LRBA: variants seen among roughly 807,000 people sequenced by gnomAD.
The protein encoded by LRBA is LPS responsive beige-like anchor protein.
Under a neutral mutation model 330.0 loss-of-function variants are expected in LRBA, and 176 were observed. That is an observed-to-expected ratio of 0.53 (90% CI 0.47 to 0.60). The LOEUF (loss-of-function observed/expected upper bound fraction) is 0.60, where lower values mean the gene tolerates loss of function less well. Ranked by LOEUF, LRBA falls within the 20% of genes least tolerant of loss-of-function variation. The pLI is 0.00. For missense variants in LRBA, 3,259 were observed against 3,444.8 expected (o/e 0.95, Z 1.35); for synonymous variants, 1,230 against 1,193.0 (o/e 1.03, Z -0.64).
At chr4:150,815,319 C>T (rs1352471253) in intron 31 of LRBA, among the ~76,000 whole-genome samples, 1 of 148,650 alleles carries the variant, frequency 6.7e-6, no homozygotes, top group African/African-American at 2.5e-5. Flanking sequence ...ATACCCAGCT[C>T]CAAATGAATT....
At chr4:150,996,693 A>G (rs1384419854) in intron 2 of LRBA, among the ~76,000 whole-genome samples, 1 of 152,214 alleles carries the variant, frequency 6.6e-6, no homozygotes, top group Non-Finnish European at 1.5e-5. Context: ...ATAACCTAAT[A>G]CAATTCCTGA....
At chr4:150,952,657 G>C (rs1220561642) in intron 2 of LRBA, among the ~76,000 whole-genome samples, 1 of 151,996 alleles carries the variant, frequency 6.6e-6, no homozygotes, top group Non-Finnish European at 1.5e-5. Flanking sequence ...CTGTGCGTGG[G>C]GTGGGCGGGG....
At chr4:150,685,420 A>T (rs28697211) in intron 36 of LRBA, among the ~76,000 whole-genome samples, 204 of 17,432 alleles carry the variant, frequency 0.012, 9 homozygotes, top group South Asian at 0.025. Flanking sequence ...ATATATATAT[A>T]TTTTTTTTTT....
At chr4:150,311,123 G>A (rs200280375) in intron 51 of LRBA, 1 of 152,138 alleles carries the variant, frequency 6.6e-6, no homozygotes, top group Admixed American at 6.6e-5. Flanking sequence ...GAGCAACACC[G>A]AGCACATGGG....
At chr4:150,730,849 C>G (rs1290723714) in intron 36 of LRBA, among the ~76,000 whole-genome samples, 1 of 151,412 alleles carries the variant, frequency 6.6e-6, no homozygotes, top group Non-Finnish European at 1.5e-5. Flanking sequence ...GAAACCCCAT[C>G]TCTACTACAA....
chr4:150,471,731 GA>G lies in LRBA; in HGVS notation c.6559del (p.Ser2187HisfsTer2). The G allele has an allele frequency of 6.7e-7, 1 of 1,491,252 alleles. No individual in the cohort carries two copies. Among genetic ancestry groups the G allele is most frequent in the Non-Finnish European group, 9.3e-7 (1 of 1,076,426 alleles). 92.4% of individuals were successfully genotyped at this position (1,491,252 alleles called of 1,614,324 possible). On this transcript the variant is annotated frameshift_variant, in exon 43 of 57. Coordinates refer to ENST00000651943, the MANE Select transcript of LRBA (RefSeq NM_001364905.1). LOFTEE classifies it high-confidence loss of function. ...AAAAAGCTGACGTGGACTAGCTAAT[GA>G]AATACGTCTGCAAGAAAAAGAATTC... ...SFGLPQTRRI[S>X]LASPRQLFKA...
intron 2 of LRBA, among the ~76,000 whole-genome samples, chr4:150,943,368 G>A (rs1161071747): frequency 1.3e-5 from 2 of 152,282 alleles, no homozygotes; most frequent in East Asian, 3.9e-4. Context: ...CAATCCTCCT[G>A]CCTCAGCCTC....
chr4:150,767,794 T>C (rs890418174), intron 34 of LRBA, among the ~76,000 whole-genome samples: 7 of 136,414 alleles, frequency 5.1e-5, no homozygotes, highest in Admixed American at 2.3e-4. Flanking sequence ...CCAGGCGCGG[T>C]GGCTCACACG....
chr4:150,333,577 A>G (rs1734260484), intron 48 of LRBA, among the ~76,000 whole-genome samples: 1 of 152,160 alleles, frequency 6.6e-6, no homozygotes, highest in Non-Finnish European at 1.5e-5. Context: ...AGTCACACTA[A>G]GACCATCCAG....
At chr4:150,883,297 T>C (rs749979639) in intron 17 of LRBA, among the ~76,000 whole-genome samples, 3 of 151,930 alleles carry the variant, frequency 2.0e-5, no homozygotes, top group Non-Finnish European at 4.4e-5. Context: ...GTGTCTCTAC[T>C]AAAAATACAA....
In LRBA at chr4:150,560,824, T is replaced by C. The variant is rs143317237; in HGVS notation, c.6330+27224A>G. ...CAACATGGAGAAACCCCGTCTCTAC[T>C]AAAAATACAAAATTAGTCGGGCATG... On this transcript the variant is annotated intron_variant, in intron 40 of 56. Coordinates refer to ENST00000651943, the MANE Select transcript of LRBA (RefSeq NM_001364905.1). Among the ~76,000 whole-genome samples the C allele has an allele frequency of 2.6e-5, 4 of 152,100 alleles. No homozygotes were observed. The East Asian group carries it at 7.7e-4, about 29-fold the overall frequency.
At chr4:150,769,024 G>A (rs918248366) in intron 34 of LRBA, among the ~76,000 whole-genome samples, 4 of 132,154 alleles carry the variant, frequency 3.0e-5, no homozygotes, top group African/African-American at 5.7e-5. Flanking sequence ...TGCAACCTCC[G>A]CCTCTGGGTT....
intron 36 of LRBA, among the ~76,000 whole-genome samples, chr4:150,722,354 G>C (rs538979222): frequency 6.6e-6 from 1 of 152,224 alleles, no homozygotes; most frequent in Admixed American, 6.5e-5. Context: ...TAAGAACTGA[G>C]TCAAAAGAAA....
intron 48 of LRBA, among the ~76,000 whole-genome samples, chr4:150,328,723 A>C (rs548400034): frequency 6.6e-6 from 1 of 152,250 alleles, no homozygotes; most frequent in African/African-American, 2.4e-5. Context: ...AGTAATGAAG[A>C]AGACAGAGAG....
chr4:150,867,600 T>A (rs1227597798), intron 22 of LRBA, 71 bp downstream of exon 22: 1 of 1,287,896 alleles, frequency 7.8e-7, no homozygotes, highest in Non-Finnish European at 1.0e-6. Context: ...TATCGAAATT[T>A]TTTAAATGAC....
At chr4:150,693,674 C>T (rs1460649716) in intron 36 of LRBA, among the ~76,000 whole-genome samples, 1 of 148,782 alleles carries the variant, frequency 6.7e-6, no homozygotes, top group Non-Finnish European at 1.5e-5. Context: ...AAATTCAGAA[C>T]AGTGGTTACC....
chr4:150,458,217 G>C (rs1754326569), intron 44 of LRBA, among the ~76,000 whole-genome samples: 1 of 151,874 alleles, frequency 6.6e-6, no homozygotes, highest in African/African-American at 2.4e-5. Context: ...TCGAAACACA[G>C]CCATACAAAA....
intron 40 of LRBA, among the ~76,000 whole-genome samples, chr4:150,585,280 T>C (rs998679132): frequency 1.3e-5 from 2 of 152,174 alleles, no homozygotes; most frequent in South Asian, 2.1e-4. Flanking sequence ...GATTTATAAA[T>C]TACTTCCATT....
At chr4:150,525,070 T>G (rs1254644402) in intron 40 of LRBA, among the ~76,000 whole-genome samples, 2 of 152,144 alleles carry the variant, frequency 1.3e-5, no homozygotes, top group Non-Finnish European at 2.9e-5. Context: ...CTAATTCTAC[T>G]AAGAGCAAAT....
Sources: allele counts gnomAD v4.1 joint callset (sites outside exome capture counted in the v4.1 genomes callset), GRCh38; gene constraint gnomAD v4.1.1; transcripts MANE v1.5; gene names NCBI Gene and HGNC (gene_info 2026-07-23, HGNC 2026-07-21).